The following GSE1 variants were observed in gnomAD, a reference collection of about 807,000 sequenced individuals.
The protein encoded by GSE1 is genetic suppressor element 1.
GSE1 carries 32 observed loss-of-function variants against 112.6 expected under a neutral mutation model. That is an observed-to-expected ratio of 0.28 (90% confidence interval 0.21 to 0.38). The LOEUF is 0.38. GSE1 is among the 10% of genes least tolerant of loss of function. The pLI is 1.00. For missense variants in GSE1, 2,348 were observed against 1,699.2 expected (o/e 1.38, Z -6.71); for synonymous variants, 1,115 against 735.6 (o/e 1.52, Z -8.35).
At chr16:85,647,583 C>T (rs2050979566) in intron 2 of GSE1, among the ~76,000 whole-genome samples, 2 of 152,258 alleles carry the variant, frequency 1.3e-5, no homozygotes, top group East Asian at 3.9e-4. Context: ...TAGAGGGGTG[C>T]TGACCACTTC....
chr16:85,450,700 T>G (rs936357772), intron 2 of GSE1, among the ~76,000 whole-genome samples: 2 of 151,776 alleles, frequency 1.3e-5, no homozygotes, highest in Non-Finnish European at 2.9e-5. Flanking sequence ...CCACCCGCCT[T>G]GGCCTCCCAA....
chr16:85,567,516 C>T (rs920410516), intron 1 of GSE1, among the ~76,000 whole-genome samples: 32 of 152,322 alleles, frequency 2.1e-4, no homozygotes, highest in African/African-American at 5.5e-4. Context: ...CGCTGGGACG[C>T]CTCCTCGTGG....
At chr16:85,631,010 T>TG (rs149931863) in intron 1 of GSE1, among the ~76,000 whole-genome samples, 7,272 of 152,140 alleles carry the variant, frequency 0.048, 273 homozygotes, top group Non-Finnish European at 0.069. Context: ...CAGTATCCCC[T>TG]GGGGGGGTGG....
chr16:85,499,692 T>C (rs1481249052), intron 2 of GSE1, among the ~76,000 whole-genome samples: 1 of 152,206 alleles, frequency 6.6e-6, no homozygotes, highest in Admixed American at 6.5e-5. Context: ...ATGGCAAATT[T>C]TATGTGCATT....
At chr16:85,349,548 TCTGGCCAGCCCGGGAGGTGCTC>T (rs2046810905) in intron 1 of GSE1, among the ~76,000 whole-genome samples, 1 of 151,958 alleles carries the variant, frequency 6.6e-6, no homozygotes, top group Admixed American at 6.6e-5. Context: ...GGCAGGGGCC[TCTGGCCAGCCCGGGAGGTGCTC>T]CTGGGCTGGC....
intron 1 of GSE1, among the ~76,000 whole-genome samples, chr16:85,332,135 C>G (rs919451345): frequency 2.6e-5 from 4 of 152,158 alleles, no homozygotes; most frequent in African/African-American, 9.7e-5. Flanking sequence ...GACTCCCAGT[C>G]ACACCCAAGC....
In GSE1 at chr16:85,673,873, A is replaced by G. The variant is rs1165506515; in HGVS notation, c.*1334A>G. On this transcript the variant is annotated 3_prime_UTR_variant, in exon 16 of 16. Coordinates refer to ENST00000253458, the MANE Select transcript of GSE1 (RefSeq NM_014615.5). ...TTCTAAGGTGTCTGAGAGCAGGTAC[A>G]GAATAGGAACTTCAGAGGCTTTGTT... 6.6e-6 allele frequency: 1 copy of G among 152,268 alleles called. No homozygotes were observed. The highest frequency in any genetic ancestry group is 2.4e-5 in the African/African-American group (1 of 41,468). 9.4% of individuals were successfully genotyped at this position (152,268 alleles called of 1,614,324 possible).
intron 2 of GSE1, among the ~76,000 whole-genome samples, chr16:85,366,315 C>T (rs953031169): frequency 2.6e-5 from 4 of 152,254 alleles, no homozygotes; most frequent in African/African-American, 7.2e-5. Flanking sequence ...CACAAGAGCC[C>T]CCCTTCCCTG....
intron 1 of GSE1, among the ~76,000 whole-genome samples, chr16:85,334,050 C>T (rs1306425288): frequency 6.6e-6 from 1 of 152,234 alleles, no homozygotes; most frequent in Non-Finnish European, 1.5e-5. Flanking sequence ...GGGGCCTCTG[C>T]TTTCCTCAGA....
chr16:85,557,805 C>A (rs1331102607), intron 1 of GSE1, among the ~76,000 whole-genome samples: 1 of 150,590 alleles, frequency 6.6e-6, no homozygotes, highest in Non-Finnish European at 1.5e-5. Flanking sequence ...AGGAGAGACT[C>A]CTCCTGGAGG....
intron 2 of GSE1, among the ~76,000 whole-genome samples, chr16:85,478,909 T>C (rs1282344530): frequency 3.7e-4 from 26 of 70,494 alleles, no homozygotes; most frequent in African/African-American, 1.4e-3. Flanking sequence ...CTTTCTTTCT[T>C]TCTTTCTTTC....
intron 2 of GSE1, among the ~76,000 whole-genome samples, chr16:85,634,679 G>A (rs888301602): frequency 2.6e-5 from 4 of 152,200 alleles, no homozygotes; most frequent in Non-Finnish European, 5.9e-5. Context: ...GGGGTCTGGA[G>A]CCTTGGCTTC....
intron 2 of GSE1, among the ~76,000 whole-genome samples, chr16:85,401,084 C>T (rs994901985): frequency 2.0e-5 from 3 of 152,130 alleles, no homozygotes; most frequent in Non-Finnish European, 2.9e-5. Context: ...CCCAAATCAG[C>T]GGATATGGTG....
upstream of GSE1, among the ~76,000 whole-genome samples, chr16:85,553,386 G>C (rs1335394118): frequency 1.3e-5 from 2 of 151,572 alleles, no homozygotes; most frequent in Non-Finnish European, 2.9e-5. Flanking sequence ...CCGGCGCCGA[G>C]GGCCTGGCGC....
intron 2 of GSE1, among the ~76,000 whole-genome samples, chr16:85,425,789 CTT>C (rs2048963735): frequency 6.6e-6 from 1 of 152,200 alleles, no homozygotes; most frequent in African/African-American, 2.4e-5. Context: ...GACGAAGTAA[CTT>C]TTACTTTGGT....
intron 2 of GSE1, among the ~76,000 whole-genome samples, chr16:85,365,535 C>G (rs1047631601): frequency 1.3e-5 from 2 of 152,202 alleles, no homozygotes; most frequent in Non-Finnish European, 2.9e-5. Flanking sequence ...GCCCCTCAAC[C>G]TGAGGCTGAG....
chr16:85,273,263 C>T (rs1469268056), intron 1 of GSE1, among the ~76,000 whole-genome samples: 1 of 152,132 alleles, frequency 6.6e-6, no homozygotes, highest in Non-Finnish European at 1.5e-5. Context: ...TGAGTCAGCG[C>T]AACATCCACT....
At chr16:85,494,812 G>A (rs1174581519) in intron 2 of GSE1, among the ~76,000 whole-genome samples, 2 of 152,236 alleles carry the variant, frequency 1.3e-5, no homozygotes, top group South Asian at 2.1e-4. Context: ...CTCACCAAGT[G>A]TGACCCCCTG....
chr16:85,233,405 G>C (rs559630511), intron 1 of GSE1, among the ~76,000 whole-genome samples: 1 of 152,228 alleles, frequency 6.6e-6, no homozygotes, highest in African/African-American at 2.4e-5. Context: ...GAGGCTGGGC[G>C]GGGTGGTTCG....
Sources: gnomAD v4.1 joint callset for allele counts (sites outside exome capture counted in the v4.1 genomes callset) on GRCh38, gnomAD v4.1.1 for gene constraint, MANE v1.5 for transcripts, NCBI Gene and HGNC (gene_info 2026-07-23, HGNC 2026-07-21) for gene names.